The following ROBO3 variants were observed in gnomAD, a reference collection of about 807,000 sequenced individuals.
ROBO3 encodes roundabout homolog 3.
ROBO3 carries 97 observed loss-of-function variants against 160.5 expected under a neutral mutation model. That is an observed-to-expected ratio of 0.60 (90% CI 0.51 to 0.72). ROBO3 has a LOEUF of 0.72. Among genes scored for constraint, ROBO3 ranks in the 30% least tolerant of loss-of-function variants. The pLI, the probability that ROBO3 is intolerant of heterozygous loss-of-function variation, is 0.00. For synonymous variants in ROBO3, 780 were observed against 746.2 expected, an observed-to-expected ratio of 1.05 and a Z score of -0.74; for missense variants, 1,858 against 1,846.5, an observed-to-expected ratio of 1.01 and a Z score of -0.11.
In ROBO3 at chr11:124,869,670, A is replaced by G; in HGVS notation, c.645+63A>G. 1 of 1,478,644 alleles carries G rather than the reference A, an allele frequency of 6.8e-7. No individual in the cohort carries two copies. The highest frequency in any genetic ancestry group is 9.1e-7 in the Non-Finnish European group (1 of 1,102,650). 91.6% of individuals were successfully genotyped at this position (1,478,644 alleles called of 1,614,324 possible). A position where few individuals can be genotyped will look rare whatever the true frequency, so the allele number is the denominator to read the frequency against. On this transcript the variant is annotated intron_variant, in intron 3 of 27. Transcript: ENST00000397801. The surrounding 1 kb of genome is among the most constrained non-coding windows in gnomAD (Gnocchi z 4.2). Reference sequence around the variant, plus strand: ...AGGGGACATAGGGTAGGGAGGTGACAAGGCTGGAGATTGAGATCAGGGCAT... The same window carrying G: ...AGGGGACATAGGGTAGGGAGGTGACGAGGCTGGAGATTGAGATCAGGGCAT...
At chr11:124,879,390 C>T (rs760402109) in intron 24 of ROBO3, 49 bp downstream of exon 24, 125 of 1,596,534 alleles carry the variant, frequency 7.8e-5, no homozygotes, top group Non-Finnish European at 9.8e-5. Context: ...CCAGTGCTTG[C>T]TTCCCCTTCA....
chr11:124,880,732 G>A (rs964845544), intron 27 of ROBO3, 124 bp downstream of exon 27: 175 of 1,360,348 alleles, frequency 1.3e-4, no homozygotes, highest in Non-Finnish European at 1.6e-4. Context: ...GGGATCGAGA[G>A]GGTGAGGGGG....
Position 124,872,630 on chromosome 11 carries a change from G to C in ROBO3, c.1330+78G>C. The C allele has an allele frequency of 7.1e-7, 1 of 1,403,098 alleles. No individual in the cohort carries two copies. Among genetic ancestry groups the C allele is most frequent in the Non-Finnish European group, 9.8e-7 (1 of 1,023,128 alleles). The allele number at this position is 1,403,098 out of a possible 1,614,324, so 86.9% of individuals were successfully genotyped here. On this transcript the variant is annotated intron_variant, in intron 8 of 27. Transcript: ENST00000397801. The surrounding 1 kb of genome is among the most constrained non-coding windows in gnomAD (Gnocchi z 4.3). ...CCTAAAGTGATGTGTTTCTCTTGGA[G>C]TCTATATACTATGTCTGCAAGAGGA...
In ROBO3 at chr11:124,876,165, G is replaced by A. The variant is rs1159674660; in HGVS notation, c.2593+40G>A. ...GGGCAGTGCTGAGGATCTTGACGGG[G>A]GCGGGGCAAGCCCCCCACTGGGGTA... is the stretch of plus-strand genomic sequence containing the variant. On this transcript the variant is annotated intron_variant, in intron 16 of 27. Coordinates refer to ENST00000397801, the MANE Select transcript of ROBO3 (RefSeq NM_022370.4). This position sits in a 1 kb window ranked among gnomAD's most constrained non-coding sequence, Gnocchi z 5.3. 2 of 1,560,400 alleles carry A rather than the reference G, an allele frequency of 1.3e-6. No individual in the cohort carries two copies. Among genetic ancestry groups the A allele is most frequent in the South Asian group, 1.2e-5 (1 of 84,958 alleles).
In ROBO3 at chr11:124,869,429, G is replaced by GCGCCCC; in HGVS notation, c.488-20_488-19insGCCCCC. 1.5e-6 allele frequency: 2 copies of GCGCCCC among 1,295,758 alleles called. No homozygotes were observed. The highest frequency in any genetic ancestry group is 2.2e-6 in the Non-Finnish European group (2 of 929,936). The allele number at this position is 1,295,758 out of a possible 1,614,324, so 80.3% of individuals were successfully genotyped here. On this transcript the variant is annotated intron_variant, in intron 2 of 27. Transcript: ENST00000397801. This position sits in a 1 kb window ranked among gnomAD's most constrained non-coding sequence, Gnocchi z 4.2. ...TGTCACTCTACACCCTGCTTATTTC[G>GCGCCCC]CCCCCCACCGCCCCGCCCAGTCCTC...
rs771729596 is a variant in ROBO3, at chr11:124,874,790, A to G, written c.1954A>G (p.Ser652Gly). 2 of 1,605,974 alleles carry G rather than the reference A, an allele frequency of 1.2e-6. No individual in the cohort carries two copies. The highest frequency in any genetic ancestry group is 1.7e-6 in the Non-Finnish European group (2 of 1,176,448). The change falls in exon 13 of 28, where the codon AGC becomes GGC. Residue 652 changes from serine to glycine, a missense_variant and splice_region_variant. By Grantham distance (56) the Ser-to-Gly change is moderately conservative. Coordinates refer to ENST00000397801, the MANE Select transcript of ROBO3 (RefSeq NM_022370.4). The part of the protein sequence containing the change: ...PVSEPVRTQD[S>G]SPSRPVEDPW... ...TGAATGGGTTCCTTGGTCAACAGAT[A>G]GCAGCCCCTCTAGGCCAGTGGAGGA...
In ROBO3 at chr11:124,878,915, G is replaced by A; in HGVS notation, c.3533+119G>A. Reference sequence around the variant, plus strand: ...GGATCTGGGGTACAGAGGTCTCAGGGCTGTGTCAGGGTGGAAGTGTAATTT... The same window carrying A: ...GGATCTGGGGTACAGAGGTCTCAGGACTGTGTCAGGGTGGAAGTGTAATTT... On this transcript the variant is annotated intron_variant, in intron 23 of 27. Transcript: ENST00000397801. The surrounding 1 kb of genome is among the most constrained non-coding windows in gnomAD (Gnocchi z 4.3). 1.1e-6 allele frequency: 1 copy of A among 928,468 alleles called. No homozygotes were observed. Among genetic ancestry groups the A allele is most frequent in the East Asian group, 2.6e-5 (1 of 37,918 alleles). The allele number at this position is 928,468 out of a possible 1,614,324, so 57.5% of individuals were successfully genotyped here. A position where few individuals can be genotyped will look rare whatever the true frequency, so the allele number is the denominator to read the frequency against.
rs762561270 is a variant in ROBO3 at position 124,877,660 on chromosome 11, TGAG to T, written c.2986+6_2986+8del. On this transcript the variant is annotated splice_donor_5th_base_variant and intron_variant, in intron 20 of 27. Coordinates refer to ENST00000397801, the MANE Select transcript of ROBO3 (RefSeq NM_022370.4). ...ACCCGGACGACAGATATTACAACGG[TGAG>T]GAGTTCTCATTCCCTCACCTGGCTT... 7 of 1,610,442 alleles carry T rather than the reference TGAG, an allele frequency of 4.3e-6. No individual in the cohort carries two copies. The highest frequency in any genetic ancestry group is 1.1e-5 in the South Asian group (1 of 89,992).
rs1264678462 is a variant in ROBO3 at position 124,869,606 on chromosome 11, C to T, written c.644C>T (p.Thr215Met). 15 of 1,565,830 alleles carry T rather than the reference C, an allele frequency of 9.6e-6. No homozygotes were observed. The highest frequency in any genetic ancestry group is 1.4e-5 in the African/African-American group (1 of 73,940). Residue 215 changes from threonine to methionine, a missense_variant and splice_region_variant, in exon 3 of 28, where the codon ACG becomes ATG. Physicochemically the swap from Thr to Met is moderately conservative, Grantham distance 81 (BLOSUM62 -1). Coordinates refer to ENST00000397801, the MANE Select transcript of ROBO3 (RefSeq NM_022370.4). The surrounding 1 kb of genome is among the most constrained non-coding windows in gnomAD (Gnocchi z 4.2). The stretch of plus-strand genomic sequence containing the variant: ...CTCAAGGAAGAGGAAGGAAGGATCA[C>T]GGTGAGGGCGGGATTATGATTGGAG... ...ARLKEEEGRI[T>M]IRGGKLMMSH... is the part of the protein sequence containing the mutation.
In ROBO3 at chr11:124,878,290, C is replaced by A; in HGVS notation, c.3182-8C>A. 1 of 1,462,846 alleles carries A rather than the reference C, an allele frequency of 6.8e-7. No homozygotes were observed. The highest frequency in any genetic ancestry group is 9.4e-7 in the Non-Finnish European group (1 of 1,066,858). The allele number at this position is 1,462,846 out of a possible 1,614,324, so 90.6% of individuals were successfully genotyped here. A position where few individuals can be genotyped will look rare whatever the true frequency, so the allele number is the denominator to read the frequency against. On this transcript the variant is annotated splice_polypyrimidine_tract_variant and splice_region_variant and intron_variant, in intron 21 of 27. Transcript: ENST00000397801. This position sits in a 1 kb window ranked among gnomAD's most constrained non-coding sequence, Gnocchi z 4.3. ...GTTCTCCGGGTGTCCCCATCCTATT[C>A]TCCTCAGGAGCCAAGGGAGGCAAAG... is the stretch of plus-strand genomic sequence containing the variant.
At position 124,870,217 on chromosome 11, in the gene ROBO3, C is replaced by T. The variant is rs746375480; in HGVS notation, c.819C>T (p.Ala273=). The T allele has an allele frequency of 2.4e-5, 39 of 1,613,926 alleles. No individual in the cohort carries two copies. The highest frequency in any genetic ancestry group is 3.3e-4 in the Middle Eastern group (2 of 6,084). ...TGAATCAGGTGGTCCTGGCTGATGC[C>T]CCTGTGACTTTCCTATGTGAGGTGA... ...RPVNQVVLAD[A]PVTFLCEVKG... is the part of the protein sequence containing the mutation. The change falls in exon 5 of 28, where the codon GCC becomes GCT. Residue 273 remains alanine, a synonymous_variant. Coordinates refer to ENST00000397801, the MANE Select transcript of ROBO3 (RefSeq NM_022370.4).
At chr11:124,868,427 G>A (rs1946231502) in intron 1 of ROBO3, 1 of 555,806 alleles carries the variant, frequency 1.8e-6, no homozygotes, top group Non-Finnish European at 3.2e-6. Flanking sequence ...AGTGCAGGTG[G>A]AGATGGAAAC....
In ROBO3 at chr11:124,876,265, A is replaced by AC. The variant is rs778200589; in HGVS notation, c.2594-5dup. On this transcript the variant is annotated splice_polypyrimidine_tract_variant and intron_variant, in intron 16 of 27. Coordinates refer to ENST00000397801, the MANE Select transcript of ROBO3 (RefSeq NM_022370.4). The surrounding 1 kb of genome is among the most constrained non-coding windows in gnomAD (Gnocchi z 5.3). ...GGCCCCTCCTCCCCTCACTTCTCTG[A>AC]CCCCCACAGCGTCCCCGCCGGACCT... is the stretch of plus-strand genomic sequence containing the variant. 17 of 1,474,088 alleles carry AC rather than the reference A, an allele frequency of 1.2e-5. No homozygotes were observed. In the Admixed American group the frequency reaches 3.4e-4, roughly 29 times the overall value. 91.3% of individuals were successfully genotyped at this position (1,474,088 alleles called of 1,614,324 possible).
In ROBO3 at chr11:124,869,826, C is replaced by T. The variant is rs900918959; in HGVS notation, c.646-122C>T. On this transcript the variant is annotated intron_variant, in intron 3 of 27. Transcript: ENST00000397801. The surrounding 1 kb of genome is among the most constrained non-coding windows in gnomAD (Gnocchi z 4.2). ...TATGTGGGTCAACTTCCTTGGTCTC[C>T]TTTATCAGCTTGCTGTGAGGATCAA... The T allele has an allele frequency of 1.4e-6, 2 of 1,414,424 alleles. No homozygotes were observed. Among genetic ancestry groups the T allele is most frequent in the East Asian group, 2.5e-5 (1 of 39,932 alleles). 87.6% of individuals were successfully genotyped at this position (1,414,424 alleles called of 1,614,324 possible).
At position 124,878,285 on chromosome 11, in the gene ROBO3, C is replaced by A; in HGVS notation, c.3182-13C>A. ...TGCCTGTTCTCCGGGTGTCCCCATC[C>A]TATTCTCCTCAGGAGCCAAGGGAGG... On this transcript the variant is annotated splice_polypyrimidine_tract_variant and intron_variant, in intron 21 of 27. Coordinates refer to ENST00000397801, the MANE Select transcript of ROBO3 (RefSeq NM_022370.4). The surrounding 1 kb of genome is among the most constrained non-coding windows in gnomAD (Gnocchi z 4.3). 6.2e-7 allele frequency: 1 copy of A among 1,611,792 alleles called. No homozygotes were observed. Among genetic ancestry groups the A allele is most frequent in the South Asian group, 1.1e-5 (1 of 90,526 alleles).
intron 1 of ROBO3, among the ~76,000 whole-genome samples, chr11:124,867,452 C>T (rs1318367504): frequency 6.6e-6 from 1 of 152,200 alleles, no homozygotes; most frequent in Non-Finnish European, 1.5e-5. Context: ...GGTTCAACAG[C>T]AACACTTGCT....
At position 124,879,263 on chromosome 11, in the gene ROBO3, G is replaced by C; in HGVS notation, c.3607G>C (p.Ala1203Pro). Residue 1203 changes from alanine (A) to proline (P), a missense_variant, in exon 24 of 28, where the codon GCT becomes CCT. Transcript: ENST00000397801. ...GCTGGGCATCCGTGAAGCGAGGCCT[G>C]CTGGCTTGGGTGCTGGCCCTGCAGC... The part of the protein sequence containing the change: ...PMLGIREARP[A>P]GLGAGPAASP... 6.3e-7 allele frequency: 1 copy of C among 1,577,980 alleles called. No homozygotes were observed. The highest frequency in any genetic ancestry group is 8.6e-7 in the Non-Finnish European group (1 of 1,162,242).
chr11:124,872,637 T>C lies in ROBO3; in HGVS notation c.1330+85T>C, dbSNP rs1037398845. 7.4e-6 allele frequency: 10 copies of C among 1,357,630 alleles called. No homozygotes were observed. The highest frequency in any genetic ancestry group is 9.1e-6 in the Non-Finnish European group (9 of 991,376). 84.1% of individuals were successfully genotyped at this position (1,357,630 alleles called of 1,614,324 possible). ...TGATGTGTTTCTCTTGGAGTCTATA[T>C]ACTATGTCTGCAAGAGGAGAGATGT... On this transcript the variant is annotated intron_variant, in intron 8 of 27. Coordinates refer to ENST00000397801, the MANE Select transcript of ROBO3 (RefSeq NM_022370.4). The surrounding 1 kb of genome is among the most constrained non-coding windows in gnomAD (Gnocchi z 4.3).
chr11:124,876,607 T>G lies in ROBO3; in HGVS notation c.2779+147T>G. The stretch of plus-strand genomic sequence containing the variant: ...TTCAGCCTCTTGGGTAGGGGCGGGA[T>G]ACGTGGGGCGACTCGAGGAGCTGCC... On this transcript the variant is annotated intron_variant, in intron 17 of 27. Transcript: ENST00000397801. This position sits in a 1 kb window ranked among gnomAD's most constrained non-coding sequence, Gnocchi z 5.3. 3.4e-5 allele frequency: 22 copies of G among 638,174 alleles called. No individual in the cohort carries two copies. The highest frequency in any genetic ancestry group is 4.0e-5 in the Non-Finnish European group (17 of 422,680). 39.5% of individuals were successfully genotyped at this position (638,174 alleles called of 1,614,324 possible). A position where few individuals can be genotyped will look rare whatever the true frequency, so the allele number is the denominator to read the frequency against.
Sources: gnomAD v4.1 joint callset for allele counts (sites outside exome capture counted in the v4.1 genomes callset) on GRCh38, gnomAD v4.1.1 for gene constraint, Gnocchi (gnomAD v3.1) non-coding constraint, MANE v1.5 for transcripts, NCBI Gene and HGNC (gene_info 2026-07-23, HGNC 2026-07-21) for gene names.